USP13: variants seen among roughly 807,000 people sequenced by gnomAD.
USP13 encodes the protein ubiquitin specific peptidase 13.
USP13 carries 68 observed loss-of-function variants against 107.8 expected under a neutral mutation model. The ratio of observed to expected loss-of-function variants is 0.63; its 90% confidence interval spans 0.52 to 0.77. The LOEUF (loss-of-function observed/expected upper bound fraction) is 0.77. Ranked by LOEUF, USP13 falls within the 30% of genes least tolerant of loss-of-function variation. USP13 has a pLI of 0.00. For synonymous variants in USP13, 377 were observed against 389.5 expected, an observed-to-expected ratio of 0.97 and a Z score of 0.38; for missense variants, 945 against 1,093.3, an observed-to-expected ratio of 0.86 and a Z score of 1.91.
chr3:179,708,778 G>T lies in USP13; in HGVS notation c.626G>T (p.Trp209Leu), dbSNP rs758044770. 2 of 1,614,182 alleles carry T rather than the reference G, an allele frequency of 1.2e-6. No individual in the cohort carries two copies. The highest frequency in any genetic ancestry group is 1.7e-6 in the Non-Finnish European group (2 of 1,180,026). Residue 209 changes from tryptophan to leucine, a missense_variant, in exon 6 of 21, where the codon TGG becomes TTG. Coordinates refer to ENST00000263966, the MANE Select transcript of USP13 (RefSeq NM_003940.3). ...DNGVRIPPSG[W>L]KCARCDLREN... Reference sequence around the variant, plus strand: ...ACTCTCCAATGGCTTTCCAGTGGTTGGAAGTGTGCCAGATGCGACCTGCGA... The same window carrying T: ...ACTCTCCAATGGCTTTCCAGTGGTTTGAAGTGTGCCAGATGCGACCTGCGA...
chr3:179,714,884 T>TC (rs397686869), intron 6 of USP13, among the ~76,000 whole-genome samples: 2 of 150,688 alleles, frequency 1.3e-5, no homozygotes, highest in African/African-American at 4.9e-5. Flanking sequence ...TTTTTTTTTT[T>TC]GTTTGAGGCA....
rs1713500879 is a variant in USP13, at chr3:179,725,973, T to A, written c.1089-4216T>A. On this transcript the variant is annotated intron_variant, in intron 8 of 20. Coordinates refer to ENST00000263966, the MANE Select transcript of USP13 (RefSeq NM_003940.3). Reference sequence around the variant, plus strand: ...GGGTCCCTCCCACCACACATGGGAATTATGGGAGCTACAATTCAAGATGAG... The same window carrying A: ...GGGTCCCTCCCACCACACATGGGAAATATGGGAGCTACAATTCAAGATGAG... Among the ~76,000 whole-genome samples, 4 of 152,306 alleles carry A rather than the reference T, an allele frequency of 2.6e-5. No homozygotes were observed. In the South Asian group the frequency reaches 8.3e-4, roughly 32 times the overall value.
intron 3 of USP13, among the ~76,000 whole-genome samples, chr3:179,697,096 A>G (rs1712352584): frequency 6.6e-6 from 1 of 152,152 alleles, no homozygotes; most frequent in African/African-American, 2.4e-5. Context: ...CCAAGGAGCC[A>G]CCACTTCACC....
chr3:179,727,162 T>TG (rs1022874120), intron 8 of USP13, among the ~76,000 whole-genome samples: 1 of 124,618 alleles, frequency 8.0e-6, no homozygotes, highest in African/African-American at 3.9e-5. Flanking sequence ...CAATTTTTAA[T>TG]GTTTTTTTTT....
intron 19 of USP13, among the ~76,000 whole-genome samples, chr3:179,779,096 G>A (rs1018030674): frequency 2.0e-5 from 3 of 152,096 alleles, no homozygotes; most frequent in Admixed American, 6.5e-5. Context: ...CAAGGTAGCT[G>A]GACCAGAGTA....
chr3:179,764,636 C>T (rs1230045297), intron 18 of USP13, among the ~76,000 whole-genome samples: 1 of 152,102 alleles, frequency 6.6e-6, no homozygotes, highest in East Asian at 1.9e-4. Context: ...TTTCTCTCTG[C>T]AGAAAGAGAA....
At chr3:179,781,168 TG>T (rs1422677144) in intron 19 of USP13, among the ~76,000 whole-genome samples, 1 of 152,230 alleles carries the variant, frequency 6.6e-6, no homozygotes, top group African/African-American at 2.4e-5. Flanking sequence ...GCCTGAAGTT[TG>T]GTCCCACCTA....
intron 14 of USP13, among the ~76,000 whole-genome samples, chr3:179,754,386 C>T (rs1714715016): frequency 1.3e-5 from 2 of 152,158 alleles, no homozygotes; most frequent in Non-Finnish European, 1.5e-5. Flanking sequence ...TGGATTTTAC[C>T]TTAAATCTTC....
Position 179,756,904 on chromosome 3 carries a change from T to G in USP13, c.1922-148T>G, listed in dbSNP as rs1002709576. 4 of 718,618 alleles carry G rather than the reference T, an allele frequency of 5.6e-6. No homozygotes were observed. In the African/African-American group the frequency reaches 7.1e-5, roughly 13 times the overall value. 44.5% of individuals were successfully genotyped at this position (718,618 alleles called of 1,614,324 possible). On this transcript the variant is annotated intron_variant, in intron 15 of 20. Transcript: ENST00000263966. ...TCTCTTATTACTGAGGCTGGGGTGG[T>G]CTGCGTGTGGTTGAGGGATTGACAA...
chr3:179,768,970 T>C (rs1332136244), intron 19 of USP13, among the ~76,000 whole-genome samples: 1 of 152,212 alleles, frequency 6.6e-6, no homozygotes. Flanking sequence ...TAAGGAAATA[T>C]AGATATATGA....
At position 179,786,045 on chromosome 3, in the gene USP13, A is replaced by T. The variant is rs77642379; in HGVS notation, c.*1904A>T. 9.3e-6 allele frequency: 1 copy of T among 108,000 alleles called. No homozygotes were observed. Among genetic ancestry groups the T allele is most frequent in the African/African-American group, 3.0e-5 (1 of 33,378 alleles). The allele number at this position is 108,000 out of a possible 1,614,324, so 6.7% of individuals were successfully genotyped here. Reference sequence around the variant, plus strand: ...ATTTGGGAACAAATGAGATTGGCAGAAGGAGGGAGCTCACGGTGCAGTACT... The same window carrying T: ...ATTTGGGAACAAATGAGATTGGCAGTAGGAGGGAGCTCACGGTGCAGTACT... On this transcript the variant is annotated 3_prime_UTR_variant, in exon 21 of 21. Transcript: ENST00000263966.
At chr3:179,699,301 T>C (rs193032188) in intron 3 of USP13, among the ~76,000 whole-genome samples, 1 of 152,358 alleles carries the variant, frequency 6.6e-6, no homozygotes, top group Admixed American at 6.5e-5. Flanking sequence ...TACTTACTAA[T>C]TAAACTTCTT....
intron 10 of USP13, among the ~76,000 whole-genome samples, chr3:179,732,003 T>TTA (rs1456423940): frequency 0.011 from 1,628 of 152,068 alleles, 17 homozygotes; most frequent in Middle Eastern, 0.058. Context: ...AGAAGGGAGA[T>TTA]TGTGGAAAGA....
At chr3:179,747,702 C>T (rs1331117131) in intron 13 of USP13, among the ~76,000 whole-genome samples, 1 of 152,192 alleles carries the variant, frequency 6.6e-6, no homozygotes, top group Non-Finnish European at 1.5e-5. Flanking sequence ...TCTCCTGTGT[C>T]TACCTTCCAC....
chr3:179,663,888 G>A (rs555793124), intron 1 of USP13, among the ~76,000 whole-genome samples: 3 of 152,248 alleles, frequency 2.0e-5, no homozygotes, highest in East Asian at 3.9e-4. Context: ...AGCCCTGTTC[G>A]TCCTTTAAAG....
In USP13 at chr3:179,655,567, GT is replaced by G. The variant is rs780247868; in HGVS notation, c.168+2184del. On this transcript the variant is annotated intron_variant, in intron 1 of 20. Coordinates refer to ENST00000263966, the MANE Select transcript of USP13 (RefSeq NM_003940.3). The stretch of plus-strand genomic sequence containing the variant: ...GGGAAGGTTTTTTTTGTTTTGTTTT[GT>G]TTTTTTTTTGAGTTTTGCTCTTGTT... Among the ~76,000 whole-genome samples, 16 of 139,816 alleles carry G rather than the reference GT, an allele frequency of 1.1e-4. 2 individuals carry two copies. The highest frequency in any genetic ancestry group is 3.9e-4 in the African/African-American group (14 of 35,618). The allele number at this position is 139,816 out of a possible 152,430, so 91.7% of individuals were successfully genotyped here.
chr3:179,752,217 T>A, intron 13 of USP13, 68 bp from the exon 14 acceptor site: 1 of 1,432,266 alleles, frequency 7.0e-7, no homozygotes, highest in Non-Finnish European at 9.8e-7. Context: ...AAAGTTGATA[T>A]GCTTTTTGAA....
Position 179,708,899 on chromosome 3 carries a change from C to G in USP13, c.747C>G (p.Tyr249Ter), listed in dbSNP as rs754110512. 1.2e-6 allele frequency: 2 copies of G among 1,614,128 alleles called. No individual in the cohort carries two copies. The highest frequency in any genetic ancestry group is 3.3e-5 in the Admixed American group (2 of 60,012). Residue 249 changes from tyrosine (Y) to a stop codon, truncating the protein, a stop_gained, in exon 6 of 21, where the codon TAC (tyrosine) becomes TAG (stop). Coordinates refer to ENST00000263966, the MANE Select transcript of USP13 (RefSeq NM_003940.3). LOFTEE classifies it high-confidence loss of function. ...SGGNGHALEHYRDMGYPLAVK... is the reference protein window; with the variant it reads ...SGGNGHALEH ...GCAACGGGCATGCGCTGGAGCATTA[C>G]AGAGACATGGGCTACCCACTAGCCG...
In USP13 at chr3:179,653,483, C is replaced by A. The variant is rs1720150747; in HGVS notation, c.168+90C>A. ...GAAGATGCGCAGTGGCGGCCGGGAC[C>A]TCTTCTCTTCCTCCGGGCGGCAGAG... On this transcript the variant is annotated intron_variant, in intron 1 of 20. Coordinates refer to ENST00000263966, the MANE Select transcript of USP13 (RefSeq NM_003940.3). The surrounding 1 kb of genome is among the most constrained non-coding windows in gnomAD (Gnocchi z 4.0). The A allele has an allele frequency of 6.8e-7, 1 of 1,474,488 alleles. No individual in the cohort carries two copies. 91.3% of individuals were successfully genotyped at this position (1,474,488 alleles called of 1,614,324 possible). A position where few individuals can be genotyped will look rare whatever the true frequency, so the allele number is the denominator to read the frequency against.
Sources: gnomAD v4.1 joint callset for allele counts (sites outside exome capture counted in the v4.1 genomes callset) on GRCh38, gnomAD v4.1.1 for gene constraint, Gnocchi (gnomAD v3.1) non-coding constraint, MANE v1.5 for transcripts, NCBI Gene and HGNC (gene_info 2026-07-23, HGNC 2026-07-21) for gene names.